Variants in PIGH observed in about 807,000 individuals in gnomAD.
The protein encoded by PIGH is phosphatidylinositol N-acetylglucosaminyltransferase subunit H.
A neutral mutation model predicts 20.1 loss-of-function variants in PIGH; 11 were observed. The observed-to-expected ratio is 0.55, with a 90% CI of 0.34 to 0.91. The LOEUF (loss-of-function observed/expected upper bound fraction) is 0.91, where lower values mean the gene tolerates loss of function less well. PIGH is among the 40% of genes least tolerant of loss of function. PIGH has a pLI of 0.02. For missense variants in PIGH, 189 were observed against 233.6 expected (o/e 0.81, Z 1.24); for synonymous variants, 72 against 93.1 (o/e 0.77, Z 1.31).
intron 1 of PIGH, among the ~76,000 whole-genome samples, chr14:67,598,713 C>CGTT (rs2036517956): frequency 1.4e-5 from 2 of 144,390 alleles, no homozygotes; most frequent in African/African-American, 5.1e-5. Context: ...TATGAACAAA[C>CGTT]TTTTTTTTTT....
chr14:67,597,840 T>C lies in PIGH; in HGVS notation c.180+2184A>G, dbSNP rs575422898. Among the ~76,000 whole-genome samples, 5 of 151,288 alleles carry C rather than the reference T, an allele frequency of 3.3e-5. No individual in the cohort carries two copies. The South Asian group carries it at 6.3e-4, about 19-fold the overall frequency. ...CAGGATTTAATTGGTGTAGGGGAAG[T>C]GGTGGTTAGTGACCAATATAATTAG... On this transcript the variant is annotated intron_variant, in intron 1 of 3. Coordinates refer to ENST00000216452, the MANE Select transcript of PIGH (RefSeq NM_004569.5).
Position 67,593,933 on chromosome 14 carries a change from G to A in PIGH, c.200C>T (p.Ala67Val), listed in dbSNP as rs201741444. ...ACCTAAGAGGGTGATGAAGATGGCAGCAGAGAGGATCATGCTGTTCTGAAG... is the reference window on the plus strand; with the variant it reads ...ACCTAAGAGGGTGATGAAGATGGCAACAGAGAGGATCATGCTGTTCTGAAG... ...TLCENSMILS[A>V]AIFITLLGLL... Residue 67 changes from alanine to valine, a missense_variant, in exon 2 of 4, where the codon GCT (alanine) becomes GTT (valine). Transcript: ENST00000216452. The A allele has an allele frequency of 1.9e-5, 31 of 1,611,666 alleles. No individual in the cohort carries two copies. Among genetic ancestry groups the A allele is most frequent in the Non-Finnish European group, 2.5e-5 (29 of 1,178,350 alleles).
chr14:67,593,951 TTC>T lies in PIGH; in HGVS notation c.181-1_181del. 6.2e-7 allele frequency: 1 copy of T among 1,605,768 alleles called. No individual in the cohort carries two copies. Among genetic ancestry groups the T allele is most frequent in the Non-Finnish European group, 8.5e-7 (1 of 1,174,026 alleles). The stretch of plus-strand genomic sequence containing the variant: ...GATGGCAGCAGAGAGGATCATGCTG[TTC>T]TGAAGAGAGAGCCAGACACAGACAG... On this transcript the variant is annotated splice_acceptor_variant and coding_sequence_variant, in exon 2 of 4. Coordinates refer to ENST00000216452, the MANE Select transcript of PIGH (RefSeq NM_004569.5). LOFTEE classifies it high-confidence loss of function.
At chr14:67,595,918 G>A (rs374480975) in intron 1 of PIGH, among the ~76,000 whole-genome samples, 1 of 152,098 alleles carries the variant, frequency 6.6e-6, no homozygotes, top group African/African-American at 2.4e-5. Context: ...TAATATAAAA[G>A]GTCCTTATCT....
intron 3 of PIGH, among the ~76,000 whole-genome samples, chr14:67,591,429 T>C (rs986657523): frequency 6.6e-6 from 1 of 152,248 alleles, no homozygotes; most frequent in African/African-American, 2.4e-5. Context: ...TTTTGGCTTA[T>C]CTTAAATCCT....
intron 1 of PIGH, among the ~76,000 whole-genome samples, chr14:67,599,175 C>T (rs2036528065): frequency 6.6e-6 from 1 of 152,156 alleles, no homozygotes. Context: ...AAATAAATAG[C>T]CCTGCTGTAC....
intron 3 of PIGH, 54 bp from the exon 4 acceptor site, chr14:67,590,226 A>G (rs1414547625): frequency 3.6e-6 from 5 of 1,378,774 alleles, no homozygotes; most frequent in Non-Finnish European, 4.8e-6. Flanking sequence ...AAGGGAGTGC[A>G]GTGGTGCTGC....
chr14:67,595,429 G>A (rs2036455654), intron 1 of PIGH, among the ~76,000 whole-genome samples: 1 of 152,178 alleles, frequency 6.6e-6, no homozygotes, highest in African/African-American at 2.4e-5. Flanking sequence ...CAAAATCATA[G>A]ACTGAACAAT....
intron 3 of PIGH, 141 bp from the exon 4 acceptor site, chr14:67,590,313 C>CGCAATCTCGGCTCACT: frequency 8.7e-6 from 5 of 574,354 alleles, no homozygotes; most frequent in Admixed American, 3.6e-5. Flanking sequence ...AGTGCAGTGG[C>CGCAATCTCGGCTCACT]GCAATCTCGG....
In PIGH at chr14:67,589,972, G is replaced by T. The variant is rs2036319319; in HGVS notation, c.*108C>A. 1 of 1,387,686 alleles carries T rather than the reference G, an allele frequency of 7.2e-7. No homozygotes were observed. The highest frequency in any genetic ancestry group is 9.4e-7 in the Non-Finnish European group (1 of 1,066,328). The allele number at this position is 1,387,686 out of a possible 1,614,324, so 86.0% of individuals were successfully genotyped here. A position where few individuals can be genotyped will look rare whatever the true frequency, so the allele number is the denominator to read the frequency against. On this transcript the variant is annotated 3_prime_UTR_variant, in exon 4 of 4. Transcript: ENST00000216452. ...TCTAAGATGCACTACATCCATAATG[G>T]TTCCTAGGACTGTGTCCACCTGATG... is the stretch of plus-strand genomic sequence containing the variant.
Position 67,600,264 on chromosome 14 carries a change from G to C in PIGH, c.-61C>G, listed in dbSNP as rs745406769. On this transcript the variant is annotated 5_prime_UTR_variant, in exon 1 of 4. Coordinates refer to ENST00000216452, the MANE Select transcript of PIGH (RefSeq NM_004569.5). ...TGCACTGCGCTCGCCGGCCCTGGCC[G>C]TCTCGCCCGCTCCAGACCCGCTTCC... 7.3e-7 allele frequency: 1 copy of C among 1,374,622 alleles called. No homozygotes were observed. The highest frequency in any genetic ancestry group is 9.6e-7 in the Non-Finnish European group (1 of 1,039,930). 85.2% of individuals were successfully genotyped at this position (1,374,622 alleles called of 1,614,324 possible). A position where few individuals can be genotyped will look rare whatever the true frequency, so the allele number is the denominator to read the frequency against.
At chr14:67,595,613 C>G (rs563780455) in intron 1 of PIGH, among the ~76,000 whole-genome samples, 1 of 152,306 alleles carries the variant, frequency 6.6e-6, no homozygotes, top group South Asian at 2.1e-4. Context: ...GAGGGGAGAT[C>G]TGCTGGAGGG....
In PIGH at chr14:67,600,251, G is replaced by GC; in HGVS notation, c.-49dup. 6.9e-7 allele frequency: 1 copy of GC among 1,448,954 alleles called. No individual in the cohort carries two copies. The highest frequency in any genetic ancestry group is 9.1e-7 in the Non-Finnish European group (1 of 1,093,622). 89.8% of individuals were successfully genotyped at this position (1,448,954 alleles called of 1,614,324 possible). A position where few individuals can be genotyped will look rare whatever the true frequency, so the allele number is the denominator to read the frequency against. On this transcript the variant is annotated 5_prime_UTR_variant, in exon 1 of 4. Transcript: ENST00000216452. ...CACCGCGCGGCGCTGCACTGCGCTCGCCGGCCCTGGCCGTCTCGCCCGCTC... is the reference window on the plus strand; with the variant it reads ...CACCGCGCGGCGCTGCACTGCGCTCGCCCGGCCCTGGCCGTCTCGCCCGCTC...
At chr14:67,599,497 TA>T (rs1318905716) in intron 1 of PIGH, among the ~76,000 whole-genome samples, 1 of 152,074 alleles carries the variant, frequency 6.6e-6, no homozygotes, top group East Asian at 1.9e-4. Context: ...GAGGGAGGGT[TA>T]AAAAACTCCC....
chr14:67,593,546 T>C lies in PIGH; in HGVS notation c.390+197A>G, dbSNP rs191299790. The C allele has an allele frequency of 1.7e-3, 969 of 554,082 alleles. 13 individuals carry two copies. The highest frequency in any genetic ancestry group is 9.9e-3 in the South Asian group (406 of 40,952). The allele number at this position is 554,082 out of a possible 1,614,324, so 34.3% of individuals were successfully genotyped here. A position where few individuals can be genotyped will look rare whatever the true frequency, so the allele number is the denominator to read the frequency against. Reference sequence around the variant, plus strand: ...GAAGGAAAAAATGCCAGTGATAATTTTGAAGTTGGTCTTGAAGATAAAGTT... The same window carrying C: ...GAAGGAAAAAATGCCAGTGATAATTCTGAAGTTGGTCTTGAAGATAAAGTT... On this transcript the variant is annotated intron_variant, in intron 2 of 3. Transcript: ENST00000216452.
chr14:67,594,075 A>G, intron 1 of PIGH, 123 bp from the exon 2 acceptor site: 2 of 652,922 alleles, frequency 3.1e-6, no homozygotes. Flanking sequence ...AGGTGCTATG[A>G]AAGTATACAG....
chr14:67,590,185 G>T lies in PIGH; in HGVS notation c.475-13C>A. 6.5e-7 allele frequency: 1 copy of T among 1,547,328 alleles called. No individual in the cohort carries two copies. Among genetic ancestry groups the T allele is most frequent in the East Asian group, 2.4e-5 (1 of 40,874 alleles). ...GGGGCTTGGCACTCTGAATTCCAAA[G>T]GGGAGAAATGCGGAGTCAAGGTGAG... On this transcript the variant is annotated splice_polypyrimidine_tract_variant and intron_variant, in intron 3 of 3. Coordinates refer to ENST00000216452, the MANE Select transcript of PIGH (RefSeq NM_004569.5).
At chr14:67,596,372 C>T (rs1479008653) in intron 1 of PIGH, among the ~76,000 whole-genome samples, 2 of 145,492 alleles carry the variant, frequency 1.4e-5, no homozygotes, top group Admixed American at 7.0e-5. Flanking sequence ...AACTCCTGAC[C>T]TCAGGCAATC....
intron 1 of PIGH, among the ~76,000 whole-genome samples, chr14:67,595,459 T>C (rs1158950593): frequency 6.6e-6 from 1 of 152,208 alleles, no homozygotes; most frequent in East Asian, 1.9e-4. Flanking sequence ...CTTAGCACAG[T>C]GTAGCAGATA....
Sources: allele counts gnomAD v4.1 joint callset (sites outside exome capture counted in the v4.1 genomes callset), GRCh38; gene constraint gnomAD v4.1.1; transcripts MANE v1.5; gene names NCBI Gene and HGNC (gene_info 2026-07-23, HGNC 2026-07-21).